SGSM1: variants seen among roughly 807,000 people sequenced by gnomAD.
The protein encoded by SGSM1 is RUN and TBC1 domain containing 2.
A neutral mutation model predicts 133.8 loss-of-function variants in SGSM1; 73 were observed. The observed-to-expected ratio is 0.55, with a 90% CI of 0.45 to 0.66. SGSM1 has a LOEUF of 0.66. SGSM1 is among the 30% of genes least tolerant of loss of function. The probability of loss-of-function intolerance (pLI) is 0.00; values close to 1 mark genes in which losing one functional copy is unlikely to be tolerated. For missense variants in SGSM1, 1,213 were observed against 1,448.1 expected (o/e 0.84, Z 2.64); for synonymous variants, 563 against 573.0 (o/e 0.98, Z 0.25).
intron 21 of SGSM1, among the ~76,000 whole-genome samples, chr22:24,905,771 A>G (rs921689878): frequency 3.3e-5 from 5 of 150,554 alleles, no homozygotes; most frequent in Admixed American, 3.3e-4. Context: ...CCTGGGAGAC[A>G]CAGCAAGACT....
At chr22:24,869,074 C>T (rs1036438636) in intron 12 of SGSM1, among the ~76,000 whole-genome samples, 2 of 152,140 alleles carry the variant, frequency 1.3e-5, no homozygotes, top group Non-Finnish European at 2.9e-5. Context: ...GAGAGGTGGC[C>T]TGGGGTAGTG....
chr22:24,890,202 C>T (rs986891836), intron 16 of SGSM1, among the ~76,000 whole-genome samples: 5 of 152,180 alleles, frequency 3.3e-5, no homozygotes, highest in South Asian at 2.1e-4. Flanking sequence ...GTGATCCGCC[C>T]GCCTTGGCCT....
At chr22:24,919,040 CTTTTTTTTTT>C (rs143985087) in intron 23 of SGSM1, among the ~76,000 whole-genome samples, 2 of 71,778 alleles carry the variant, frequency 2.8e-5, no homozygotes, top group African/African-American at 1.3e-4. Flanking sequence ...CACACCCGGC[CTTTTTTTTTT>C]TTTTTTTTTT....
Position 24,912,699 on chromosome 22 carries a change from C to T in SGSM1, c.2875C>T (p.Pro959Ser). ...ELMKRMNQNF[P>S]HGGAMDTHFA... ...CATGAAGAGGATGAACCAGAACTTC[C>T]CCCACGGAGGCGCCATGGACACGCA... The change falls in exon 22 of 25, where the codon CCC becomes TCC. Residue 959 changes from proline (P) to serine (S), a missense_variant. Pro to Ser is a moderately conservative substitution (Grantham distance 74, BLOSUM62 -1). Coordinates refer to ENST00000400358, the MANE Select transcript of SGSM1 (RefSeq NM_001098497.3). 3 of 1,613,820 alleles carry T rather than the reference C, an allele frequency of 1.9e-6. No individual in the cohort carries two copies. Among genetic ancestry groups the T allele is most frequent in the African/African-American group, 1.3e-5 (1 of 75,024 alleles).
intron 12 of SGSM1, among the ~76,000 whole-genome samples, chr22:24,876,252 C>G (rs1932018507): frequency 1.3e-5 from 2 of 152,202 alleles, no homozygotes; most frequent in Non-Finnish European, 2.9e-5. Flanking sequence ...CTGCAGCATC[C>G]TGTGAGCATG....
chr22:24,912,538 C>G (rs557811133), intron 21 of SGSM1, 105 bp from the exon 22 acceptor site: 2 of 749,322 alleles, frequency 2.7e-6, no homozygotes, highest in East Asian at 2.7e-5. Context: ...AGGTCCACCC[C>G]CAACATTGGA....
chr22:24,907,867 G>A (rs1480465389), intron 21 of SGSM1, among the ~76,000 whole-genome samples: 25 of 126,856 alleles, frequency 2.0e-4, no homozygotes, highest in South Asian at 2.7e-4. Flanking sequence ...AACTGAGATC[G>A]CGCCACTGCA....
chr22:24,879,298 G>C (rs1932191612), intron 13 of SGSM1, among the ~76,000 whole-genome samples, 164 bp from the exon 14 acceptor site: 1 of 152,176 alleles, frequency 6.6e-6, no homozygotes, highest in Admixed American at 6.5e-5. Flanking sequence ...TACCAGAAGA[G>C]GCAATGATGC....
intron 12 of SGSM1, among the ~76,000 whole-genome samples, chr22:24,869,389 A>G (rs1321906744): frequency 6.6e-6 from 1 of 152,052 alleles, no homozygotes; most frequent in Non-Finnish European, 1.5e-5. Context: ...GTGTGGTGGC[A>G]TGCATCTGTG....
At position 24,866,274 on chromosome 22, in the gene SGSM1, C is replaced by A. The variant is rs12627799; in HGVS notation, c.927-819C>A. Among the ~76,000 whole-genome samples the A allele has an allele frequency of 1.4e-4, 22 of 152,290 alleles. No homozygotes were observed. The East Asian group carries it at 4.2e-3, about 29-fold the overall frequency. On this transcript the variant is annotated intron_variant, in intron 9 of 24. Transcript: ENST00000400358. ...AATACTTGATTCTATTTAATTCTCA[C>A]AGCAACACAATGGGGTGGGTGTTAT...
chr22:24,843,556 A>G (rs984781415), intron 2 of SGSM1: 3 of 152,268 alleles, frequency 2.0e-5, no homozygotes, highest in African/African-American at 7.2e-5. Context: ...CCTCAGGGTG[A>G]CATAGAGCTG....
At chr22:24,884,288 GGA>G in intron 15 of SGSM1, 90 bp downstream of exon 15, 2 of 1,486,156 alleles carry the variant, frequency 1.3e-6, no homozygotes, top group Non-Finnish European at 1.8e-6. Context: ...ATGCTTGTGG[GGA>G]CTTGAGCTGA....
In SGSM1 at chr22:24,876,820, C is replaced by T. The variant is rs564425692; in HGVS notation, c.1430+105C>T. 176 of 1,438,522 alleles carry T rather than the reference C, an allele frequency of 1.2e-4. 1 individual carries two copies. Among genetic ancestry groups the T allele is most frequent in the Middle Eastern group, 1.1e-3 (6 of 5,604 alleles). The allele number at this position is 1,438,522 out of a possible 1,614,324, so 89.1% of individuals were successfully genotyped here. ...CTGAATTCAGAGTGAGCATAACCTG[C>T]GGACTCAGGCAGATATAGGTTAAAT... On this transcript the variant is annotated intron_variant, in intron 13 of 24. Coordinates refer to ENST00000400358, the MANE Select transcript of SGSM1 (RefSeq NM_001098497.3).
intron 16 of SGSM1, among the ~76,000 whole-genome samples, chr22:24,887,505 T>C (rs1473744412): frequency 6.6e-6 from 1 of 152,186 alleles, no homozygotes; most frequent in African/African-American, 2.4e-5. Flanking sequence ...CTGAGTTGTT[T>C]CTGGTTTTTT....
chr22:24,824,483 CCCATCA>C (rs1377890454), intron 2 of SGSM1, among the ~76,000 whole-genome samples: 1 of 152,032 alleles, frequency 6.6e-6, no homozygotes, highest in Non-Finnish European at 1.5e-5. Context: ...CTGTCCCCAC[CCCATCA>C]CCATCACCAG....
chr22:24,896,749 G>C (rs1421321176), intron 18 of SGSM1, among the ~76,000 whole-genome samples: 1 of 151,826 alleles, frequency 6.6e-6, no homozygotes, highest in Non-Finnish European at 1.5e-5. Flanking sequence ...GGCCGAGGCA[G>C]GTCAATGACC....
chr22:24,872,736 G>C, intron 12 of SGSM1, among the ~76,000 whole-genome samples: 1 of 152,100 alleles, frequency 6.6e-6, no homozygotes, highest in East Asian at 1.9e-4. Flanking sequence ...TGGCTAACAC[G>C]GTGAAACCCC....
At chr22:24,845,732 G>A (rs962949063) in intron 3 of SGSM1, among the ~76,000 whole-genome samples, 2 of 152,086 alleles carry the variant, frequency 1.3e-5, no homozygotes, top group African/African-American at 2.4e-5. Flanking sequence ...ACCACCCCAC[G>A]GGGCCCACAA....
chr22:24,819,143 C>CA (rs56384293), intron 2 of SGSM1, among the ~76,000 whole-genome samples: 19,032 of 106,298 alleles, frequency 0.18, 2,126 homozygotes, highest in East Asian at 0.48. Flanking sequence ...AAGACTCTGT[C>CA]AAAAAAAAAA....
Sources: allele counts gnomAD v4.1 joint callset (sites outside exome capture counted in the v4.1 genomes callset), GRCh38; gene constraint gnomAD v4.1.1; transcripts MANE v1.5; gene names NCBI Gene and HGNC (gene_info 2026-07-23, HGNC 2026-07-21).